Variants in SPATA22 observed in about 807,000 individuals in gnomAD.
The protein encoded by SPATA22 is spermatogenesis-associated protein 22.
In SPATA22, 29 loss-of-function variants were observed where a neutral mutation model predicts 47.8. That is an observed-to-expected ratio of 0.61 (90% CI 0.45 to 0.83). The LOEUF (loss-of-function observed/expected upper bound fraction) is 0.83. Ranked by LOEUF, SPATA22 falls within the 40% of genes least tolerant of loss-of-function variation. The pLI is 0.00. For missense variants in SPATA22, 410 were observed against 421.7 expected (o/e 0.97, Z 0.24); for synonymous variants, 133 against 140.9 (o/e 0.94, Z 0.40).
chr17:3,469,810 G>A (rs1335524378), intron 1 of SPATA22, among the ~76,000 whole-genome samples: 4 of 152,170 alleles, frequency 2.6e-5, no homozygotes, highest in Admixed American at 6.5e-5. Context: ...AAGGCATTGT[G>A]CAGGACATCT....
intron 5 of SPATA22, among the ~76,000 whole-genome samples, chr17:3,461,694 CCT>C (rs1242599463): frequency 1.3e-5 from 2 of 151,652 alleles, no homozygotes; most frequent in Non-Finnish European, 2.9e-5. Flanking sequence ...AAAAGTTCCC[CCT>C]TTTAAAAAAA....
chr17:3,483,876 T>G (rs754727017), intron 1 of SPATA22, among the ~76,000 whole-genome samples: 2 of 152,122 alleles, frequency 1.3e-5, no homozygotes, highest in Non-Finnish European at 1.5e-5. Flanking sequence ...AGGGCTGGCC[T>G]CAAACTCCTG....
At chr17:3,468,417 A>C (rs2073359490) in intron 2 of SPATA22, 1 of 152,244 alleles carries the variant, frequency 6.6e-6, no homozygotes, top group Non-Finnish European at 1.5e-5. Flanking sequence ...ACTGGTCATC[A>C]TCAATTGTTC....
chr17:3,481,488 A>G, intron 1 of SPATA22: 1 of 959,864 alleles, frequency 1.0e-6, no homozygotes, highest in Non-Finnish European at 1.6e-6. Flanking sequence ...CTTACCACAC[A>G]GATTTTTCAT....
intron 8 of SPATA22, chr17:3,441,678 C>A (rs1335592821): frequency 6.6e-6 from 1 of 151,886 alleles, no homozygotes; most frequent in East Asian, 1.9e-4. Context: ...GAAATACATG[C>A]AAATGCATAA....
Position 3,478,053 on chromosome 17 carries a change from C to T in SPATA22, c.-73-8655G>A, listed in dbSNP as rs374571919. On this transcript the variant is annotated intron_variant, in intron 1 of 8. Coordinates refer to the SPATA22 transcript ENST00000541913. Reference sequence around the variant, plus strand: ...ACAAAAAATTAGCCGGGCATGGTGGCGGGCACCTGTAGTCCCAGCTATTCG... The same window carrying T: ...ACAAAAAATTAGCCGGGCATGGTGGTGGGCACCTGTAGTCCCAGCTATTCG... 2.0e-5 allele frequency among the ~76,000 whole-genome samples: 3 copies of T among 152,078 alleles called. No individual in the cohort carries two copies. The South Asian group carries it at 6.2e-4, about 32-fold the overall frequency.
intron 1 of SPATA22, among the ~76,000 whole-genome samples, chr17:3,491,754 A>AAAG (rs2073829502): frequency 2.0e-5 from 3 of 151,522 alleles, no homozygotes; most frequent in South Asian, 2.1e-4. Flanking sequence ...TCAAAAAAAA[A>AAAG]AAAGAAAGAA....
rs578082972 is a variant in SPATA22 at position 3,492,469 on chromosome 17, C to A, written c.-74+20943G>T. Among the ~76,000 whole-genome samples, 5 of 152,174 alleles carry A rather than the reference C, an allele frequency of 3.3e-5. No individual in the cohort carries two copies. In the South Asian group the frequency reaches 6.2e-4, roughly 19 times the overall value. On this transcript the variant is annotated intron_variant, in intron 1 of 8. Transcript: ENST00000541913. ...AAGGTGTGGTAGATTTTAATTCTTCCCTTTCCCGCGTCCACATCCTGGCAG... is the reference window on the plus strand; with the variant it reads ...AAGGTGTGGTAGATTTTAATTCTTCACTTTCCCGCGTCCACATCCTGGCAG...
chr17:3,504,677 C>T (rs1227717892), intron 1 of SPATA22, among the ~76,000 whole-genome samples: 1 of 151,946 alleles, frequency 6.6e-6, no homozygotes, highest in Non-Finnish European at 1.5e-5. Flanking sequence ...GCCGCCTCAG[C>T]CTGTTGAGTA....
Position 3,446,580 on chromosome 17 carries a change from G to C in SPATA22, c.694C>G (p.Gln232Glu). 6.3e-7 allele frequency: 1 copy of C among 1,576,226 alleles called. No individual in the cohort carries two copies. The highest frequency in any genetic ancestry group is 1.2e-5 in the South Asian group (1 of 86,004). ...TLKETSLYQLQFKEKASSLRI... is the reference protein window; with the variant it reads ...TLKETSLYQLEFKEKASSLRI... ...AAAGAACTAGCTTTTTCCTTAAACT[G>C]TAACTGATACAATGAGGTTTCCTTT... Residue 232 changes from glutamine to glutamate, a missense_variant, in exon 7 of 9, where the codon CAG becomes GAG. Gln to Glu is a conservative substitution (Grantham distance 29). Coordinates refer to ENST00000572969, the MANE Select transcript of SPATA22 (RefSeq NM_001170698.2).
At chr17:3,483,398 T>C in intron 1 of SPATA22, 1 of 983,776 alleles carries the variant, frequency 1.0e-6, no homozygotes, top group Non-Finnish European at 1.6e-6. Flanking sequence ...CAATCTTAGT[T>C]GATGAAGTAA....
At chr17:3,467,697 G>T (rs1720757761) in intron 2 of SPATA22, 143 bp from the exon 3 acceptor site, 2 of 632,898 alleles carry the variant, frequency 3.2e-6, no homozygotes, top group Non-Finnish European at 4.6e-6. Context: ...ACCTTAGAAT[G>T]ATTTTTACAT....
chr17:3,493,658 A>T (rs1317452199), intron 1 of SPATA22, among the ~76,000 whole-genome samples: 1 of 152,014 alleles, frequency 6.6e-6, no homozygotes, highest in African/African-American at 2.4e-5. Flanking sequence ...GTCATAAAAC[A>T]TCATAGCTGG....
intron 8 of SPATA22, among the ~76,000 whole-genome samples, chr17:3,442,230 GATC>G (rs1333584491): frequency 4.0e-5 from 6 of 151,882 alleles, no homozygotes; most frequent in African/African-American, 1.4e-4. Flanking sequence ...ATTATTTCTT[GATC>G]ATCAACTATG....
chr17:3,471,417 G>T (rs762159534), intron 1 of SPATA22: 10 of 985,016 alleles, frequency 1.0e-5, no homozygotes, highest in Non-Finnish European at 1.1e-5. Context: ...CTGAGGGCGG[G>T]GACCCTCATT....
chr17:3,443,414 A>G, intron 7 of SPATA22, 143 bp from the exon 8 acceptor site: 1 of 588,792 alleles, frequency 1.7e-6, no homozygotes, highest in Non-Finnish European at 2.9e-6. Flanking sequence ...ACATTTTAAG[A>G]AGAGAAGATA....
At chr17:3,489,264 G>A (rs1355854398) in intron 1 of SPATA22, 1 of 1,612,812 alleles carries the variant, frequency 6.2e-7, no homozygotes, top group East Asian at 2.2e-5. Flanking sequence ...GCCTCAAGGG[G>A]TTCTGAGAGC....
chr17:3,511,520 C>T (rs1304346610), intron 1 of SPATA22: 2 of 152,232 alleles, frequency 1.3e-5, no homozygotes, highest in African/African-American at 2.4e-5. Flanking sequence ...CACTCTGATG[C>T]TTCTTGACTT....
rs565147768 is a variant in SPATA22, at chr17:3,510,771, G to A, written c.-74+2641C>T. ...GTACGGCTTACAGGCCCGGATGACG[G>A]CCCATCTACCTGGGCCCTGCCCAGA... On this transcript the variant is annotated intron_variant, in intron 1 of 8. Transcript: ENST00000541913. The A allele has an allele frequency of 3.3e-5, 5 of 152,300 alleles. No homozygotes were observed. The South Asian group carries it at 1.0e-3, about 32-fold the overall frequency. 9.4% of individuals were successfully genotyped at this position (152,300 alleles called of 1,614,324 possible). A position where few individuals can be genotyped will look rare whatever the true frequency, so the allele number is the denominator to read the frequency against.
Sources: allele counts gnomAD v4.1 joint callset (sites outside exome capture counted in the v4.1 genomes callset), GRCh38; gene constraint gnomAD v4.1.1; transcripts MANE v1.5; gene names NCBI Gene and HGNC (gene_info 2026-07-23, HGNC 2026-07-21).